ZMYM2: variants seen among roughly 807,000 people sequenced by gnomAD.
The protein encoded by ZMYM2 is zinc finger MYM-type protein 2.
Under a neutral mutation model 162.8 loss-of-function variants are expected in ZMYM2, and 56 were observed. That is an observed-to-expected ratio of 0.34 (90% CI 0.28 to 0.43). The LOEUF (loss-of-function observed/expected upper bound fraction) is 0.43. ZMYM2 is among the 20% of genes least tolerant of loss of function. ZMYM2 has a pLI of 1.00. For synonymous variants in ZMYM2, 510 were observed against 541.6 expected, an observed-to-expected ratio of 0.94 and a Z score of 0.81; for missense variants, 1,275 against 1,621.8, an observed-to-expected ratio of 0.79 and a Z score of 3.67.
At chr13:19,886,538 T>C in the ZMYM2 span, among the ~76,000 whole-genome samples, 8 of 151,982 alleles carry the variant, frequency 5.3e-5, no homozygotes, top group African/African-American at 1.9e-4. Context: ...TGGAGCCCTG[T>C]ACCACTGCCC....
chr13:20,056,946 GA>G (rs1955842842), intron 14 of ZMYM2, among the ~76,000 whole-genome samples: 1 of 152,028 alleles, frequency 6.6e-6, no homozygotes, highest in African/African-American at 2.4e-5. Flanking sequence ...CTTTGGGTAA[GA>G]AAATCACTGA....
chr13:20,026,210 C>T (rs1035553364), intron 7 of ZMYM2: 2 of 153,470 alleles, frequency 1.3e-5, no homozygotes, highest in East Asian at 1.9e-4. Flanking sequence ...TCATTCTTCA[C>T]CATACTTTTT....
At chr13:19,963,732 A>G (rs1955489636) in intron 2 of ZMYM2, among the ~76,000 whole-genome samples, 1 of 152,140 alleles carries the variant, frequency 6.6e-6, no homozygotes, top group South Asian at 2.1e-4. Context: ...GTTTTTGTGC[A>G]TATTTAAGAT....
chr13:19,949,297 A>G, the ZMYM2 span, among the ~76,000 whole-genome samples: 1 of 152,096 alleles, frequency 6.6e-6, no homozygotes, highest in African/African-American at 2.4e-5. Context: ...AATCCTAGCT[A>G]TTCCGGAGGC....
At chr13:19,903,889 G>T in the ZMYM2 span, among the ~76,000 whole-genome samples, 1 of 151,860 alleles carries the variant, frequency 6.6e-6, no homozygotes, top group East Asian at 1.9e-4. Context: ...ATTAATAAAA[G>T]AACAGTGTTT....
intron 3 of ZMYM2, among the ~76,000 whole-genome samples, chr13:19,999,530 C>G (rs1950248065): frequency 6.6e-6 from 1 of 152,170 alleles, no homozygotes; most frequent in African/African-American, 2.4e-5. Flanking sequence ...CCTTGGACCT[C>G]CCTGTTCCTT....
chr13:20,064,197 T>C (rs967618445), intron 18 of ZMYM2, among the ~76,000 whole-genome samples: 5 of 151,996 alleles, frequency 3.3e-5, no homozygotes, highest in African/African-American at 4.8e-5. Context: ...ACTATAATAA[T>C]TTTTCTGGTA....
intron 6 of ZMYM2, among the ~76,000 whole-genome samples, chr13:20,009,273 C>A (rs1193126543): frequency 6.6e-6 from 1 of 152,084 alleles, no homozygotes; most frequent in Non-Finnish European, 1.5e-5. Context: ...AAGTACTACC[C>A]CACAACAAGG....
At chr13:19,917,593 A>AT in the ZMYM2 span, among the ~76,000 whole-genome samples, 2 of 76,754 alleles carry the variant, frequency 2.6e-5, no homozygotes, top group Non-Finnish European at 7.2e-5. Context: ...TCCATCTCAA[A>AT]TTTAAAAAAA....
chr13:19,949,998 C>T, the ZMYM2 span, among the ~76,000 whole-genome samples: 1 of 151,330 alleles, frequency 6.6e-6, no homozygotes, highest in African/African-American at 2.4e-5. Context: ...GAAAGAAAGA[C>T]GTGGCAGCTC....
chr13:20,084,697 A>G (rs1178060605), intron 24 of ZMYM2, among the ~76,000 whole-genome samples: 1 of 152,220 alleles, frequency 6.6e-6, no homozygotes, highest in Non-Finnish European at 1.5e-5. Context: ...AGGCATTTTA[A>G]AAAGTTTAAG....
At position 20,006,407 on chromosome 13, in the gene ZMYM2, C is replaced by T; in HGVS notation, c.1333C>T (p.His445Tyr). The change falls in exon 6 of 25, where the codon CAT becomes TAT. Residue 445 changes from histidine (H) to tyrosine (Y), a missense_variant. This residue lies in a region of ZMYM2 where 276 missense variants were observed against 311.8 expected (regional missense o/e 0.89). Transcript: ENST00000610343. Reference protein sequence around the residue: ...RHEVSFKNMTHKLCSDHCFNR... With the variant: ...RHEVSFKNMTYKLCSDHCFNR... ...TGAAGTCAGCTTTAAAAATATGACT[C>T]ATAAGCTGTGCAGTGACCACTGCTT... is the stretch of plus-strand genomic sequence containing the variant. 6.3e-7 allele frequency: 1 copy of T among 1,599,794 alleles called. No homozygotes were observed. Among genetic ancestry groups the T allele is most frequent in the Non-Finnish European group, 8.5e-7 (1 of 1,172,570 alleles).
the ZMYM2 span, among the ~76,000 whole-genome samples, chr13:19,874,909 A>G: frequency 1.3e-5 from 2 of 152,182 alleles, no homozygotes; most frequent in African/African-American, 4.8e-5. Flanking sequence ...TAAAAAGTCA[A>G]AATATAACAG....
At chr13:19,876,823 A>G in the ZMYM2 span, among the ~76,000 whole-genome samples, 1 of 152,158 alleles carries the variant, frequency 6.6e-6, no homozygotes, top group African/African-American at 2.4e-5. Flanking sequence ...CCTGACAACC[A>G]GCATTCTACT....
At chr13:20,066,636 C>A (rs916839437) in intron 19 of ZMYM2, 5 of 387,082 alleles carry the variant, frequency 1.3e-5, no homozygotes, top group Non-Finnish European at 2.3e-5. Flanking sequence ...AGAGGTTGAT[C>A]TTGCTGTCTC....
chr13:19,926,000 G>T, the ZMYM2 span, among the ~76,000 whole-genome samples: 85 of 150,206 alleles, frequency 5.7e-4, no homozygotes, highest in African/African-American at 2.0e-3. Flanking sequence ...TTGCTCTGTC[G>T]CCCAGGCTAG....
the ZMYM2 span, among the ~76,000 whole-genome samples, chr13:19,926,678 T>C: frequency 4.7e-4 from 72 of 152,216 alleles, no homozygotes; most frequent in African/African-American, 1.5e-3. Flanking sequence ...TTTTTATTTT[T>C]AGTTTTCAAG....
At chr13:20,012,674 A>G (rs762718693) in intron 6 of ZMYM2, among the ~76,000 whole-genome samples, 9 of 152,090 alleles carry the variant, frequency 5.9e-5, no homozygotes, top group Non-Finnish European at 1.2e-4. Flanking sequence ...CAGGGGTCCA[A>G]CTTCATTGTT....
At chr13:19,899,836 A>AAAAAAAAAAAAAAAAAAAAAG in the ZMYM2 span, among the ~76,000 whole-genome samples, 2 of 120,838 alleles carry the variant, frequency 1.7e-5, 1 homozygote. Flanking sequence ...AAAAAAAAAA[A>AAAAAAAAAAAAAAAAAAAAAG]AAGGAAAACA....
Sources: gnomAD v4.1 joint callset for allele counts (sites outside exome capture counted in the v4.1 genomes callset) on GRCh38, gnomAD v4.1.1 for gene constraint, gnomAD v4.1.1 regional missense constraint, MANE v1.5 for transcripts, NCBI Gene and HGNC (gene_info 2026-07-23, HGNC 2026-07-21) for gene names.